The following MAP4K5 variants were observed in gnomAD, a reference collection of about 807,000 sequenced individuals.
MAP4K5 encodes MAPK/ERK kinase kinase kinase 5.
Under a neutral mutation model 135.6 loss-of-function variants are expected in MAP4K5, and 82 were observed. That is an observed-to-expected ratio of 0.60 (90% CI 0.51 to 0.73). The LOEUF (loss-of-function observed/expected upper bound fraction) is 0.73. MAP4K5 is among the 30% of genes least tolerant of loss of function. MAP4K5 has a pLI of 0.00. For missense variants in MAP4K5, 907 were observed against 1,010.9 expected (o/e 0.90, Z 1.39); for synonymous variants, 347 against 335.0 (o/e 1.04, Z -0.39).
intron 21 of MAP4K5, among the ~76,000 whole-genome samples, chr14:50,441,741 TATACACACAC>T (rs1212536179): frequency 1.3e-4 from 13 of 101,308 alleles, no homozygotes; most frequent in Admixed American, 1.2e-3. Context: ...AAAATTATTT[TATACACACAC>T]ACACACACAC....
At chr14:50,471,984 A>G (rs2036974940) in intron 9 of MAP4K5, 1 of 152,540 alleles carries the variant, frequency 6.6e-6, no homozygotes, top group Non-Finnish European at 1.5e-5. Flanking sequence ...GAGAAACCCT[A>G]CGAACGTCAA....
intron 10 of MAP4K5, among the ~76,000 whole-genome samples, chr14:50,467,791 A>G (rs1203822017): frequency 6.6e-6 from 1 of 152,122 alleles, no homozygotes; most frequent in East Asian, 1.9e-4. Context: ...ATCTTTTAAT[A>G]TATATTATCT....
intron 2 of MAP4K5, among the ~76,000 whole-genome samples, chr14:50,522,289 A>G (rs2038168667): frequency 6.6e-6 from 1 of 152,068 alleles, no homozygotes; most frequent in Admixed American, 6.6e-5. Context: ...TACTTGCACT[A>G]GTGACGGCAC....
At chr14:50,444,987 G>C (rs951902338) in intron 18 of MAP4K5, 54 bp downstream of exon 18, 1 of 1,531,928 alleles carries the variant, frequency 6.5e-7, no homozygotes, top group African/African-American at 1.4e-5. Flanking sequence ...TATTCACCCA[G>C]ATAACAATAT....
rs573751604 is a variant in MAP4K5, at chr14:50,520,176, A to G, written c.108+11766T>C. On this transcript the variant is annotated intron_variant, in intron 2 of 32. Coordinates refer to ENST00000682126, the MANE Select transcript of MAP4K5 (RefSeq NM_006575.6). ...TCAGGAGCTCAAGACCAGCTTGGCCAACATAGTGAAACCCTGTCTCTATTA... is the reference window on the plus strand; with the variant it reads ...TCAGGAGCTCAAGACCAGCTTGGCCGACATAGTGAAACCCTGTCTCTATTA... Among the ~76,000 whole-genome samples the G allele has an allele frequency of 2.0e-5, 3 of 151,976 alleles. No homozygotes were observed. The South Asian group carries it at 6.3e-4, about 32-fold the overall frequency.
At chr14:50,511,126 T>C (rs754726885) in intron 2 of MAP4K5, among the ~76,000 whole-genome samples, 1 of 152,190 alleles carries the variant, frequency 6.6e-6, no homozygotes, top group Non-Finnish European at 1.5e-5. Context: ...ATTGCAGCAC[T>C]ATTCACGACA....
intron 6 of MAP4K5, among the ~76,000 whole-genome samples, chr14:50,479,784 A>C (rs1439860663): frequency 6.6e-6 from 1 of 152,100 alleles, no homozygotes; most frequent in Non-Finnish European, 1.5e-5. Context: ...TGAATTTTCA[A>C]AAATACTCCA....
chr14:50,456,969 T>C (rs1050598858), intron 13 of MAP4K5, among the ~76,000 whole-genome samples: 1 of 152,202 alleles, frequency 6.6e-6, no homozygotes, highest in Non-Finnish European at 1.5e-5. Context: ...TAGTTCTTCA[T>C]GAAAGCTGTA....
chr14:50,512,164 C>T (rs2037943523), intron 2 of MAP4K5, among the ~76,000 whole-genome samples: 1 of 152,138 alleles, frequency 6.6e-6, no homozygotes, highest in African/African-American at 2.4e-5. Context: ...AAATGTAATT[C>T]TATGTACTAT....
intron 6 of MAP4K5, among the ~76,000 whole-genome samples, chr14:50,481,520 G>A (rs1390313678): frequency 1.3e-5 from 2 of 152,016 alleles, no homozygotes; most frequent in Middle Eastern, 3.4e-3. Flanking sequence ...GAAATTTAGG[G>A]ATAGAAGCAT....
chr14:50,522,607 T>C (rs1186291614), intron 2 of MAP4K5, among the ~76,000 whole-genome samples: 1 of 152,140 alleles, frequency 6.6e-6, no homozygotes, highest in Non-Finnish European at 1.5e-5. Context: ...ATAAGAAATA[T>C]AATTTAAAGT....
At chr14:50,454,190 C>T (rs1276630967) in intron 14 of MAP4K5, among the ~76,000 whole-genome samples, 1 of 152,058 alleles carries the variant, frequency 6.6e-6, no homozygotes, top group Non-Finnish European at 1.5e-5. Context: ...ATTCCATTTA[C>T]CTGAAGGTCA....
At chr14:50,505,281 TG>T (rs1274535784) in intron 2 of MAP4K5, among the ~76,000 whole-genome samples, 1 of 152,180 alleles carries the variant, frequency 6.6e-6, no homozygotes, top group East Asian at 1.9e-4. Flanking sequence ...ATCTCTTTCC[TG>T]GTACACATAT....
chr14:50,480,447 C>T (rs10140444), intron 6 of MAP4K5, among the ~76,000 whole-genome samples: 2,198 of 151,376 alleles, frequency 0.015, 41 homozygotes, highest in African/African-American at 0.051. Context: ...CACTCCCCTC[C>T]GACCATATCA....
chr14:50,431,557 C>T (rs903389687), intron 28 of MAP4K5, among the ~76,000 whole-genome samples: 1 of 152,114 alleles, frequency 6.6e-6, no homozygotes, highest in Non-Finnish European at 1.5e-5. Context: ...CCAATTTCAT[C>T]CATGTCCCTA....
At chr14:50,494,881 T>G (rs1374066309) in intron 3 of MAP4K5, among the ~76,000 whole-genome samples, 1 of 152,152 alleles carries the variant, frequency 6.6e-6, no homozygotes, top group Admixed American at 6.5e-5. Flanking sequence ...GATATTCACA[T>G]GCAAAAGAAT....
At chr14:50,447,704 G>A (rs769452675) in intron 15 of MAP4K5, among the ~76,000 whole-genome samples, 34 of 152,286 alleles carry the variant, frequency 2.2e-4, no homozygotes, top group Admixed American at 4.6e-4. Flanking sequence ...ACTAAAGGTA[G>A]CTTCAAATGT....
At chr14:50,476,338 A>G in intron 6 of MAP4K5, 32 bp from the exon 7 acceptor site, 3 of 1,148,652 alleles carry the variant, frequency 2.6e-6, no homozygotes, top group Non-Finnish European at 3.5e-6. Flanking sequence ...AAAAGAATGT[A>G]TCAGCAAAAC....
chr14:50,490,132 T>TGTGA (rs746127219), intron 3 of MAP4K5, among the ~76,000 whole-genome samples: 2 of 58,238 alleles, frequency 3.4e-5, no homozygotes, highest in Non-Finnish European at 9.3e-5. Flanking sequence ...CGAGTGAGAG[T>TGTGA]GTGTGTGTGT....
Sources: allele counts gnomAD v4.1 joint callset (sites outside exome capture counted in the v4.1 genomes callset), GRCh38; gene constraint gnomAD v4.1.1; transcripts MANE v1.5; gene names NCBI Gene and HGNC (gene_info 2026-07-23, HGNC 2026-07-21).